Variants in OCA2 observed in about 807,000 individuals in gnomAD.
OCA2 encodes the protein P protein.
A neutral mutation model predicts 100.2 loss-of-function variants in OCA2; 77 were observed. The ratio of observed to expected loss-of-function variants is 0.77; its 90% CI spans 0.64 to 0.93. The LOEUF (loss-of-function observed/expected upper bound fraction) is 0.93. Among genes scored for constraint, OCA2 ranks in the 40% least tolerant of loss-of-function variants. The probability of loss-of-function intolerance (pLI) is 0.00; values close to 1 mark genes in which losing one functional copy is unlikely to be tolerated. For missense variants in OCA2, 1,062 were observed against 1,089.1 expected (o/e 0.98, Z 0.35); for synonymous variants, 432 against 439.2 (o/e 0.98, Z 0.21).
rs865775628 is a variant in OCA2, at chr15:27,964,398, C to T, written c.1636+2292G>A. ...GCTCTGGTGATTATTGTTCTTTTCA[C>T]CATGTAAGTCATGCTCTCTCCCATT... On this transcript the variant is annotated intron_variant, in intron 15 of 23. Coordinates refer to ENST00000354638, the MANE Select transcript of OCA2 (RefSeq NM_000275.3). 1.2e-4 allele frequency among the ~76,000 whole-genome samples: 18 copies of T among 152,324 alleles called. 1 individual carries two copies. Among genetic ancestry groups the T allele is most frequent in the Middle Eastern group, 6.8e-3 (2 of 294 alleles).
intron 21 of OCA2, among the ~76,000 whole-genome samples, chr15:27,870,279 G>A (rs1056844347): frequency 6.6e-6 from 1 of 152,250 alleles, no homozygotes; most frequent in Admixed American, 6.5e-5. Flanking sequence ...GCTCTCCCCT[G>A]TCCTGTGTCC....
intron 18 of OCA2, among the ~76,000 whole-genome samples, chr15:27,931,864 G>T (rs1023497758): frequency 3.3e-5 from 5 of 152,092 alleles, no homozygotes; most frequent in African/African-American, 1.2e-4. Context: ...ACTTTTGCAA[G>T]ACCACTGTCT....
At chr15:27,923,921 T>TA (rs2038954737) in intron 19 of OCA2, among the ~76,000 whole-genome samples, 1 of 152,232 alleles carries the variant, frequency 6.6e-6, no homozygotes, top group Non-Finnish European at 1.5e-5. Context: ...ACCTTTGTCA[T>TA]AAAATCTTTT....
At chr15:27,989,556 T>C (rs917214102) in intron 11 of OCA2, 45 bp downstream of exon 11, 1 of 1,539,124 alleles carries the variant, frequency 6.5e-7, no homozygotes, top group Admixed American at 1.7e-5. Context: ...AAGGCCCGGT[T>C]ACCGCAGGCG....
chr15:28,072,830 A>G (rs972897967), intron 2 of OCA2, among the ~76,000 whole-genome samples: 5 of 152,144 alleles, frequency 3.3e-5, no homozygotes, highest in Admixed American at 3.3e-4. Flanking sequence ...GAGAAAAGGG[A>G]ATCCTTATGC....
chr15:27,741,538 C>A, the OCA2 span, among the ~76,000 whole-genome samples: 8 of 152,192 alleles, frequency 5.3e-5, no homozygotes, highest in African/African-American at 1.9e-4. Flanking sequence ...GGGACAGAAT[C>A]CTGAGTACGG....
chr15:27,862,017 A>G (rs564727237), intron 21 of OCA2, among the ~76,000 whole-genome samples: 3 of 152,348 alleles, frequency 2.0e-5, no homozygotes, highest in Non-Finnish European at 4.4e-5. Flanking sequence ...AAGTGCCCAC[A>G]TGGTTGCTTT....
intron 20 of OCA2, among the ~76,000 whole-genome samples, 188 bp downstream of exon 20, chr15:27,871,675 T>C (rs1410506378): frequency 1.3e-5 from 2 of 152,246 alleles, no homozygotes; most frequent in Non-Finnish European, 2.9e-5. Flanking sequence ...CAGGCATCTG[T>C]AATTACATAT....
chr15:28,055,316 C>G (rs2043656190), intron 2 of OCA2, among the ~76,000 whole-genome samples: 1 of 152,166 alleles, frequency 6.6e-6, no homozygotes, highest in African/African-American at 2.4e-5. Context: ...TTTGTTTTTT[C>G]ACATATCTGA....
At chr15:28,029,310 C>T (rs749576801) in intron 3 of OCA2, among the ~76,000 whole-genome samples, 1 of 152,008 alleles carries the variant, frequency 6.6e-6, no homozygotes, top group Non-Finnish European at 1.5e-5. Context: ...TGAAAATAGT[C>T]GATAATCCTA....
At chr15:27,902,022 G>A (rs1258593427) in intron 19 of OCA2, among the ~76,000 whole-genome samples, 1 of 152,178 alleles carries the variant, frequency 6.6e-6, no homozygotes, top group African/African-American at 2.4e-5. Context: ...TCTGACCTCT[G>A]AAATGTATTC....
intron 3 of OCA2, among the ~76,000 whole-genome samples, chr15:28,031,833 AGT>A (rs1466870474): frequency 6.6e-6 from 1 of 152,140 alleles, no homozygotes; most frequent in Non-Finnish European, 1.5e-5. Context: ...TGCATGCATG[AGT>A]GTGCGTGTGT....
intron 19 of OCA2, among the ~76,000 whole-genome samples, chr15:27,881,833 A>T (rs1446388874): frequency 2.0e-5 from 3 of 152,016 alleles, no homozygotes; most frequent in Non-Finnish European, 4.4e-5. Flanking sequence ...TCCTAGATTC[A>T]TTGATTATTT....
chr15:27,886,893 G>T (rs1402813405), intron 19 of OCA2, among the ~76,000 whole-genome samples: 2 of 152,168 alleles, frequency 1.3e-5, no homozygotes, highest in Non-Finnish European at 2.9e-5. Flanking sequence ...TTTGGGATCT[G>T]ATATGGTTTG....
chr15:27,906,664 G>C (rs748309101), intron 19 of OCA2, among the ~76,000 whole-genome samples: 2 of 151,948 alleles, frequency 1.3e-5, no homozygotes, highest in Non-Finnish European at 2.9e-5. Context: ...AAAACAATCA[G>C]ACTGACATCA....
At chr15:27,902,741 C>T (rs1219309343) in intron 19 of OCA2, among the ~76,000 whole-genome samples, 3 of 152,214 alleles carry the variant, frequency 2.0e-5, no homozygotes, top group Non-Finnish European at 4.4e-5. Context: ...TCTTCCTCTG[C>T]AGGCTGGGGG....
At chr15:27,979,466 T>C (rs771371130) in intron 14 of OCA2, among the ~76,000 whole-genome samples, 25 of 152,350 alleles carry the variant, frequency 1.6e-4, no homozygotes, top group Non-Finnish European at 3.4e-4. Flanking sequence ...TCTTGCAATT[T>C]GTTTTATATT....
At chr15:27,919,135 C>T (rs2038771473) in intron 19 of OCA2, among the ~76,000 whole-genome samples, 1 of 152,048 alleles carries the variant, frequency 6.6e-6, no homozygotes, top group African/African-American at 2.4e-5. Context: ...TGAGGAGGTG[C>T]TAGGTATTGG....
intron 23 of OCA2, among the ~76,000 whole-genome samples, chr15:27,763,087 AT>A (rs1194253733): frequency 6.6e-6 from 1 of 152,216 alleles, no homozygotes; most frequent in African/African-American, 2.4e-5. Context: ...CAGAAAATAA[AT>A]TTCAACCTCA....
Sources: gnomAD v4.1 joint callset for allele counts (sites outside exome capture counted in the v4.1 genomes callset) on GRCh38, gnomAD v4.1.1 for gene constraint, MANE v1.5 for transcripts, NCBI Gene and HGNC (gene_info 2026-07-23, HGNC 2026-07-21) for gene names.